CCP110: variants seen among roughly 807,000 people sequenced by gnomAD.
The protein encoded by CCP110 is centriolar coiled-coil protein of 110 kDa.
A neutral mutation model predicts 105.5 loss-of-function variants in CCP110; 43 were observed. That is an observed-to-expected ratio of 0.41 (90% confidence interval 0.32 to 0.53). The LOEUF is 0.53. Among genes scored for constraint, CCP110 ranks in the 20% least tolerant of loss-of-function variants. The pLI is 0.32. For missense variants in CCP110, 1,016 were observed against 1,189.1 expected (o/e 0.85, Z 2.14); for synonymous variants, 353 against 392.1 (o/e 0.90, Z 1.18).
At chr16:19,551,316 A>T in exon 15 of CCP110, 1 of 1,245,290 alleles carries the variant, frequency 8.0e-7, no homozygotes, top group South Asian at 1.2e-5. Flanking sequence ...CCTGCCCAAG[A>T]CTTTATTTAA....
At position 19,546,604 on chromosome 16, in the gene CCP110, G is replaced by A. The variant is rs1177661598; in HGVS notation, c.2840+130G>A. 8.9e-6 allele frequency: 5 copies of A among 560,420 alleles called. No individual in the cohort carries two copies. The Admixed American group carries it at 1.6e-4, about 18-fold the overall frequency. 34.7% of individuals were successfully genotyped at this position (560,420 alleles called of 1,614,324 possible). On this transcript the variant is annotated intron_variant, in intron 12 of 14. Coordinates refer to ENST00000381396, the Ensembl canonical transcript of CCP110. ...GGCCAAGACGGATGGATCACCTGAG[G>A]TCGGGAGTTTGAGACCAGCCTGACC...
chr16:19,534,871 A>G (rs1969993372), intron 3 of CCP110, among the ~76,000 whole-genome samples: 1 of 132,718 alleles, frequency 7.5e-6, no homozygotes, highest in Non-Finnish European at 1.6e-5. Context: ...TAATATTCAG[A>G]CTTTTTTTTT....
chr16:19,551,849 G>C (rs1970652009), exon 15 of CCP110: 2 of 152,202 alleles, frequency 1.3e-5, no homozygotes, highest in South Asian at 4.1e-4. Context: ...ATTCCTGTCA[G>C]ACAACTAGTT....
At chr16:19,532,391 A>G in intron 2 of CCP110, 25 bp from the exon 3 acceptor site, 1 of 1,556,918 alleles carries the variant, frequency 6.4e-7, no homozygotes, top group Non-Finnish European at 8.7e-7. Context: ...GTGGGAAATA[A>G]TTACATTTTT....
exon 10 of CCP110, chr16:19,545,121 G>A (rs749185007): frequency 1.2e-6 from 2 of 1,610,746 alleles, no homozygotes; most frequent in Non-Finnish European, 1.7e-6. Flanking sequence ...CGGTATTCAT[G>A]ACATATTCTT....
At chr16:19,525,144 C>G (rs1969625409) in intron 1 of CCP110, 1 of 150,886 alleles carries the variant, frequency 6.6e-6, no homozygotes. Context: ...CAAAGAAACA[C>G]TAGGTTCTGC....
At chr16:19,538,998 G>A (rs1268176197) in intron 4 of CCP110, among the ~76,000 whole-genome samples, 2 of 151,834 alleles carry the variant, frequency 1.3e-5, no homozygotes, top group Admixed American at 6.6e-5. Context: ...TTTAATCCCA[G>A]CTACTTGGGA....
rs564903919 is a variant in CCP110, at chr16:19,531,021, T to A, written c.142-1395T>A. Among the ~76,000 whole-genome samples the A allele has an allele frequency of 4.6e-5, 7 of 152,346 alleles. No individual in the cohort carries two copies. The South Asian group carries it at 6.2e-4, about 14-fold the overall frequency. On this transcript the variant is annotated intron_variant, in intron 2 of 14. Coordinates refer to ENST00000381396, the Ensembl canonical transcript of CCP110. ...ATGTTTAGTTGCCCTCTATTAGTGATGTTTAGTTTGAACACTTGCTTACAG... is the reference window on the plus strand; with the variant it reads ...ATGTTTAGTTGCCCTCTATTAGTGAAGTTTAGTTTGAACACTTGCTTACAG...
Position 19,548,125 on chromosome 16 carries a change from T to C in CCP110, c.2900+111T>C, listed in dbSNP as rs954376638. On this transcript the variant is annotated intron_variant, in intron 13 of 14. Coordinates refer to ENST00000381396, the Ensembl canonical transcript of CCP110. The surrounding 1 kb of genome is among the most constrained non-coding windows in gnomAD (Gnocchi z 4.1). ...AAAGGATAATGGTTTTTCAATGGGATTTTTTTTCTTTATAGCATTGGGAAA... is the reference window on the plus strand; with the variant it reads ...AAAGGATAATGGTTTTTCAATGGGACTTTTTTTCTTTATAGCATTGGGAAA... 1 of 815,380 alleles carries C rather than the reference T, an allele frequency of 1.2e-6. No homozygotes were observed. Among genetic ancestry groups the C allele is most frequent in the Non-Finnish European group, 2.1e-6 (1 of 481,852 alleles). The allele number at this position is 815,380 out of a possible 1,614,324, so 50.5% of individuals were successfully genotyped here.
At position 19,540,638 on chromosome 16, in the gene CCP110, G is replaced by A. The variant is rs745784097; in HGVS notation, c.1919-19G>A. ...AGACTTGTGAATTTTCTAAATTGAG[G>A]AAACATGTTTCTTTTCAGAAAGCGA... On this transcript the variant is annotated intron_variant, in intron 4 of 14. Coordinates refer to ENST00000381396, the Ensembl canonical transcript of CCP110. 1 of 1,601,386 alleles carries A rather than the reference G, an allele frequency of 6.2e-7. No individual in the cohort carries two copies. The highest frequency in any genetic ancestry group is 8.5e-7 in the Non-Finnish European group (1 of 1,172,822).
In CCP110 at chr16:19,542,067, A is replaced by G. The variant is rs1970308212; in HGVS notation, c.2227+3A>G. 1.3e-6 allele frequency: 2 copies of G among 1,546,922 alleles called. No individual in the cohort carries two copies. Among genetic ancestry groups the G allele is most frequent in the African/African-American group, 1.4e-5 (1 of 71,982 alleles). On this transcript the variant is annotated splice_donor_region_variant and intron_variant, in intron 6 of 14. Coordinates refer to ENST00000381396, the Ensembl canonical transcript of CCP110. ...TACTTCAAATTCAAATAGTTCTGGTAAATATTTAAAAATCCTTTTACATTT... is the reference window on the plus strand; with the variant it reads ...TACTTCAAATTCAAATAGTTCTGGTGAATATTTAAAAATCCTTTTACATTT...
At chr16:19,546,578 A>G in intron 12 of CCP110, 104 bp downstream of exon 12, 1 of 642,880 alleles carries the variant, frequency 1.6e-6, no homozygotes. Context: ...GAACTTTGGG[A>G]GGCCAAGACG....
In CCP110 at chr16:19,545,905, T is replaced by A. The variant is rs756193512; in HGVS notation, c.2777+15T>A. On this transcript the variant is annotated intron_variant, in intron 11 of 14. Transcript: ENST00000381396. ...AAATACATGAAGTAAGTTTTTTGTA[T>A]CATGTCATGTTAGTTATCAAACCAA... The A allele has an allele frequency of 6.8e-7, 1 of 1,467,664 alleles. No homozygotes were observed. The highest frequency in any genetic ancestry group is 1.1e-5 in the South Asian group (1 of 87,222). The allele number at this position is 1,467,664 out of a possible 1,614,324, so 90.9% of individuals were successfully genotyped here. A position where few individuals can be genotyped will look rare whatever the true frequency, so the allele number is the denominator to read the frequency against.
At chr16:19,537,285 C>A (rs943712177) in exon 4 of CCP110, 5 of 1,614,144 alleles carry the variant, frequency 3.1e-6, no homozygotes, top group Non-Finnish European at 4.2e-6. Flanking sequence ...AGTTTGCAAA[C>A]AGAACTGAAT....
At chr16:19,531,827 G>C (rs548281052) in intron 2 of CCP110, among the ~76,000 whole-genome samples, 2 of 152,238 alleles carry the variant, frequency 1.3e-5, no homozygotes, top group East Asian at 3.9e-4. Context: ...TTAGCTGGGC[G>C]TGGTGGCACG....
At chr16:19,537,318 C>T in exon 4 of CCP110, 4 of 1,614,154 alleles carry the variant, frequency 2.5e-6, no homozygotes, top group Non-Finnish European at 3.4e-6. Context: ...GTAAAAAACC[C>T]TTCTCCTTTA....
chr16:19,542,999 G>A lies in CCP110; in HGVS notation c.2484+5G>A, dbSNP rs368013884. The A allele has an allele frequency of 7.1e-5, 103 of 1,444,836 alleles. No individual in the cohort carries two copies. The highest frequency in any genetic ancestry group is 9.7e-5 in the Non-Finnish European group (100 of 1,028,816). The allele number at this position is 1,444,836 out of a possible 1,614,324, so 89.5% of individuals were successfully genotyped here. A position where few individuals can be genotyped will look rare whatever the true frequency, so the allele number is the denominator to read the frequency against. ...CAACTTCGACAAACTGTAAAAGTAA[G>A]ATTCCTGTAAATCGTTTGTATTTCA... On this transcript the variant is annotated splice_donor_5th_base_variant and intron_variant, in intron 8 of 14. Coordinates refer to ENST00000381396, the Ensembl canonical transcript of CCP110.
intron 2 of CCP110, among the ~76,000 whole-genome samples, chr16:19,530,246 A>G (rs1008306663): frequency 2.0e-5 from 3 of 152,058 alleles, no homozygotes; most frequent in African/African-American, 2.4e-5. Context: ...GACCAGAGCT[A>G]TTGTCTTGTA....
chr16:19,546,134 A>T (rs1970450027), intron 11 of CCP110: 1 of 519,000 alleles, frequency 1.9e-6, no homozygotes, highest in Admixed American at 3.7e-5. Context: ...GGTTAATCTT[A>T]AAAACAGTTA....
Sources: gnomAD v4.1 joint callset for allele counts (sites outside exome capture counted in the v4.1 genomes callset) on GRCh38, gnomAD v4.1.1 for gene constraint, Gnocchi (gnomAD v3.1) non-coding constraint, MANE v1.5 for transcripts, NCBI Gene and HGNC (gene_info 2026-07-23, HGNC 2026-07-21) for gene names.